PTPRU: variants seen among roughly 807,000 people sequenced by gnomAD.
The protein encoded by PTPRU is receptor-type tyrosine-protein phosphatase U.
Under a neutral mutation model 166.3 loss-of-function variants are expected in PTPRU, and 69 were observed. The ratio of observed to expected loss-of-function variants is 0.41; its 90% confidence interval spans 0.34 to 0.51. The LOEUF is 0.51. PTPRU is among the 20% of genes least tolerant of loss of function. The probability of loss-of-function intolerance (pLI) is 0.09; values close to 1 mark genes in which losing one functional copy is unlikely to be tolerated. For synonymous variants in PTPRU, 793 were observed against 814.0 expected (o/e 0.97, Z 0.44); for missense variants, 1,657 against 2,013.7 (o/e 0.82, Z 3.39).
chr1:29,284,808 G>T lies in PTPRU; in HGVS notation c.2257G>T (p.Ala753Ser), dbSNP rs911884696. ...EEMGLILGIC[A>S]GGLAVLILLL... Reference sequence around the variant, plus strand: ...GATGGGGCTTATCCTGGGCATCTGTGCAGGGGGGCTTGCTGTCCTCATCCT... The same window carrying T: ...GATGGGGCTTATCCTGGGCATCTGTTCAGGGGGGCTTGCTGTCCTCATCCT... Residue 753 changes from alanine to serine, a missense_variant, in exon 14 of 30, where the codon GCA becomes TCA. Around this residue, in one of 3 missense-constraint regions of PTPRU, gnomAD observed 1,190 missense variants for 1,477.4 expected, o/e 0.81. Coordinates refer to ENST00000373779, the MANE Select transcript of PTPRU (RefSeq NM_133178.4). The T allele has an allele frequency of 1.9e-6, 3 of 1,613,810 alleles. No homozygotes were observed. The highest frequency in any genetic ancestry group is 2.5e-6 in the Non-Finnish European group (3 of 1,179,878).
Position 29,259,268 on chromosome 1 carries a change from T to G in PTPRU, c.485T>G (p.Phe162Cys). The change falls in exon 4 of 30, where the codon TTT (phenylalanine) becomes TGT (cysteine). Residue 162 changes from phenylalanine (F) to cysteine (C), a missense_variant. By Grantham distance (205) the Phe-to-Cys change is radical. Transcript: ENST00000373779. ...TFWPNEYQVLFEALISPDRRG... is the reference protein window; with the variant it reads ...TFWPNEYQVLCEALISPDRRG... ...CCCTCCCGCCTCCCCCAGGTGCTGT[T>G]TGAGGCCCTCATCTCCCCAGACCGC... 6.2e-7 allele frequency: 1 copy of G among 1,613,530 alleles called. No homozygotes were observed.
Position 29,304,912 on chromosome 1 carries a change from C to T in PTPRU, c.2743+63C>T, listed in dbSNP as rs892819399. 9 of 1,470,052 alleles carry T rather than the reference C, an allele frequency of 6.1e-6. No individual in the cohort carries two copies. The East Asian group carries it at 1.6e-4, about 26-fold the overall frequency. The allele number at this position is 1,470,052 out of a possible 1,614,324, so 91.1% of individuals were successfully genotyped here. ...GGTGGGAGGGCATCAGGAGGGGGAA[C>T]ACAGCCAGGGTGAGCTGGGGCAGCC... On this transcript the variant is annotated intron_variant, in intron 17 of 29. Transcript: ENST00000373779.
intron 7 of PTPRU, among the ~76,000 whole-genome samples, chr1:29,264,099 G>A (rs953820767): frequency 4.6e-5 from 7 of 151,898 alleles, no homozygotes; most frequent in African/African-American, 1.5e-4. Flanking sequence ...GCTTGAACCC[G>A]GGAGGTGGAG....
At chr1:29,253,766 T>C (rs1448638616) in intron 1 of PTPRU, among the ~76,000 whole-genome samples, 1 of 151,912 alleles carries the variant, frequency 6.6e-6, no homozygotes, top group African/African-American at 2.4e-5. Context: ...GGTGGGAAGC[T>C]TGGACTTCAT....
intron 14 of PTPRU, 101 bp downstream of exon 14, chr1:29,284,970 G>C: frequency 6.9e-7 from 1 of 1,446,050 alleles, no homozygotes; most frequent in Non-Finnish European, 9.3e-7. Flanking sequence ...CAGCTGTCCT[G>C]CAGGTGTGTG....
intron 27 of PTPRU, 41 bp from the exon 28 acceptor site, chr1:29,323,590 T>TG (rs1557492954): frequency 5.0e-6 from 8 of 1,612,718 alleles, no homozygotes; most frequent in Non-Finnish European, 6.8e-6. Context: ...CCTGGGACCC[T>TG]GGTGCTCATG....
chr1:29,260,197 C>A lies in PTPRU; in HGVS notation c.850+153C>A. 1 of 900,844 alleles carries A rather than the reference C, an allele frequency of 1.1e-6. No individual in the cohort carries two copies. Among genetic ancestry groups the A allele is most frequent in the Non-Finnish European group, 1.5e-6 (1 of 656,102 alleles). 55.8% of individuals were successfully genotyped at this position (900,844 alleles called of 1,614,324 possible). A position where few individuals can be genotyped will look rare whatever the true frequency, so the allele number is the denominator to read the frequency against. On this transcript the variant is annotated intron_variant, in intron 6 of 29. Coordinates refer to ENST00000373779, the MANE Select transcript of PTPRU (RefSeq NM_133178.4). The surrounding 1 kb of genome is among the most constrained non-coding windows in gnomAD (Gnocchi z 8.3). ...TCTGAAGATGGGCCTGTGGAAATGGCAGTGGCCCAGCCGGGATGAGATCTG... is the reference window on the plus strand; with the variant it reads ...TCTGAAGATGGGCCTGTGGAAATGGAAGTGGCCCAGCCGGGATGAGATCTG...
intron 1 of PTPRU, among the ~76,000 whole-genome samples, chr1:29,243,957 G>A (rs1248176201): frequency 4.3e-4 from 66 of 152,222 alleles, no homozygotes. Context: ...CTCAGAAGAT[G>A]CTGCTTCCAG....
chr1:29,241,995 G>A (rs1264071765), intron 1 of PTPRU, among the ~76,000 whole-genome samples: 1 of 151,118 alleles, frequency 6.6e-6, no homozygotes, highest in African/African-American at 2.4e-5. Context: ...GGGTTCAAGC[G>A]ATTCTCCTGC....
At chr1:29,322,431 C>T (rs529939445) in intron 26 of PTPRU, among the ~76,000 whole-genome samples, 20 of 152,242 alleles carry the variant, frequency 1.3e-4, no homozygotes, top group African/African-American at 4.3e-4. Context: ...CATGTATCGG[C>T]GATGGCTTCC....
chr1:29,279,312 T>C lies in PTPRU; in HGVS notation c.1564-144T>C. On this transcript the variant is annotated intron_variant, in intron 9 of 29. Coordinates refer to ENST00000373779, the MANE Select transcript of PTPRU (RefSeq NM_133178.4). The surrounding 1 kb of genome is among the most constrained non-coding windows in gnomAD (Gnocchi z 5.2). Reference sequence around the variant, plus strand: ...TGAAGGCAGGAGGGAGAGCCGAAGATGACTAGAAGCCTGGCTTGATGGCAT... The same window carrying C: ...TGAAGGCAGGAGGGAGAGCCGAAGACGACTAGAAGCCTGGCTTGATGGCAT... 3 of 1,052,526 alleles carry C rather than the reference T, an allele frequency of 2.9e-6. No individual in the cohort carries two copies. The highest frequency in any genetic ancestry group is 2.6e-5 in the East Asian group (1 of 38,660). 65.2% of individuals were successfully genotyped at this position (1,052,526 alleles called of 1,614,324 possible).
At chr1:29,269,018 C>A (rs914315551) in intron 7 of PTPRU, among the ~76,000 whole-genome samples, 1 of 151,908 alleles carries the variant, frequency 6.6e-6, no homozygotes, top group Non-Finnish European at 1.5e-5. Context: ...GATTTCTCAT[C>A]CAGTGTTTTG....
chr1:29,243,987 G>A (rs1684174222), intron 1 of PTPRU, among the ~76,000 whole-genome samples: 1 of 152,192 alleles, frequency 6.6e-6, no homozygotes, highest in African/African-American at 2.4e-5. Context: ...GAGGTCTTGG[G>A]CAGATTCCCA....
chr1:29,246,216 C>T (rs1684290438), intron 1 of PTPRU, among the ~76,000 whole-genome samples: 1 of 152,286 alleles, frequency 6.6e-6, no homozygotes, highest in African/African-American at 2.4e-5. Flanking sequence ...AGCCCTTGCA[C>T]TGCACCACTG....
At position 29,260,665 on chromosome 1, in the gene PTPRU, C is replaced by T. The variant is rs369094441; in HGVS notation, c.906C>T (p.Leu302=). 1.3e-6 allele frequency: 2 copies of T among 1,540,146 alleles called. No individual in the cohort carries two copies. The highest frequency in any genetic ancestry group is 1.8e-6 in the Non-Finnish European group (2 of 1,140,030). Residue 302 remains leucine (L), a synonymous_variant, in exon 7 of 30, where the codon CTC becomes CTT. Coordinates refer to ENST00000373779, the MANE Select transcript of PTPRU (RefSeq NM_133178.4). The surrounding 1 kb of genome is among the most constrained non-coding windows in gnomAD (Gnocchi z 8.3). ...TGCTGCGTGCTGGCCCCACCTACCT[C>T]ATCATCCAGCTCAACACCAACTCCA... The part of the protein sequence containing the change: ...PQLLRAGPTY[L]IIQLNTNSII...
chr1:29,242,998 A>G (rs1002389065), intron 1 of PTPRU, among the ~76,000 whole-genome samples: 17 of 152,020 alleles, frequency 1.1e-4, no homozygotes, highest in African/African-American at 3.4e-4. Context: ...CCTGGGTTCA[A>G]GCAATTCTTC....
intron 1 of PTPRU, among the ~76,000 whole-genome samples, chr1:29,253,445 G>A (rs1684640999): frequency 6.6e-6 from 1 of 152,118 alleles, no homozygotes; most frequent in African/African-American, 2.4e-5. Context: ...CCCTGCCTTG[G>A]ACAGGTGAAA....
At chr1:29,267,254 A>G (rs1388383348) in intron 7 of PTPRU, among the ~76,000 whole-genome samples, 2 of 152,290 alleles carry the variant, frequency 1.3e-5, no homozygotes, top group East Asian at 3.9e-4. Context: ...GCAATACAAA[A>G]AACTCCAGTG....
chr1:29,270,035 C>A (rs530955800), intron 7 of PTPRU, among the ~76,000 whole-genome samples: 1 of 152,132 alleles, frequency 6.6e-6, no homozygotes, highest in Non-Finnish European at 1.5e-5. Flanking sequence ...GCTTGTAGTT[C>A]TTCCCTTCTC....
Sources: allele counts gnomAD v4.1 joint callset (sites outside exome capture counted in the v4.1 genomes callset), GRCh38; gene constraint gnomAD v4.1.1; regional missense constraint gnomAD v4.1.1; non-coding constraint Gnocchi (gnomAD v3.1); transcripts MANE v1.5; gene names NCBI Gene and HGNC (gene_info 2026-07-23, HGNC 2026-07-21).